Variants in SAMD5 observed in about 807,000 individuals in gnomAD.
SAMD5 encodes the protein sterile alpha motif domain containing 5.
Under a neutral mutation model 11.3 loss-of-function variants are expected in SAMD5, and 13 were observed. The observed-to-expected ratio is 1.15, with a 90% confidence interval of 0.75 to 1.83. The LOEUF (loss-of-function observed/expected upper bound fraction) is 1.83. Ranked by LOEUF, SAMD5 falls within the 40% of genes most tolerant of loss-of-function variation. The probability of loss-of-function intolerance (pLI) is 0.00; values close to 1 mark genes in which losing one functional copy is unlikely to be tolerated. For missense variants in SAMD5, 255 were observed against 239.1 expected (o/e 1.07, Z -0.44); for synonymous variants, 129 against 111.3 (o/e 1.16, Z -1.00).
At chr6:147,737,220 AAGGGTGAGTTTTC>A (rs1488995505) in intron 1 of SAMD5, 99 of 486,066 alleles carry the variant, frequency 2.0e-4, no homozygotes, top group African/African-American at 1.8e-3. Context: ...CATCCTCGGG[AAGGGTGAGTTTTC>A]AGTTCCCCCT....
intron 1 of SAMD5, among the ~76,000 whole-genome samples, chr6:147,592,220 C>A (rs1297031898): frequency 2.0e-5 from 3 of 152,106 alleles, no homozygotes; most frequent in Non-Finnish European, 2.9e-5. Context: ...AACTGCTAGG[C>A]TCCAGCGATC....
intron 1 of SAMD5, among the ~76,000 whole-genome samples, chr6:147,523,025 G>A (rs1788277989): frequency 6.6e-6 from 1 of 152,034 alleles, no homozygotes; most frequent in South Asian, 2.1e-4. Flanking sequence ...TTCCTCCCAG[G>A]TTCTGGAATT....
At chr6:147,918,652 A>AATCTTCCCT in the SAMD5 span, among the ~76,000 whole-genome samples, 1 of 151,488 alleles carries the variant, frequency 6.6e-6, no homozygotes, top group Non-Finnish European at 1.5e-5. Flanking sequence ...GGGAAGACTC[A>AATCTTCCCT]GGATACAAAA....
the SAMD5 span, among the ~76,000 whole-genome samples, chr6:147,835,247 CA>C: frequency 7.2e-6 from 1 of 137,960 alleles, no homozygotes; most frequent in South Asian, 2.3e-4. Flanking sequence ...AAAAAAAAAA[CA>C]AAAAAAACAG....
At chr6:147,701,444 G>A (rs1211623738) in intron 1 of SAMD5, among the ~76,000 whole-genome samples, 2 of 152,046 alleles carry the variant, frequency 1.3e-5, no homozygotes, top group Non-Finnish European at 2.9e-5. Context: ...GACCCGCCTG[G>A]CCAACATGGT....
intron 1 of SAMD5, among the ~76,000 whole-genome samples, chr6:147,696,626 C>T (rs918830134): frequency 8.5e-5 from 13 of 152,194 alleles, no homozygotes; most frequent in African/African-American, 2.9e-4. Context: ...AGCCCTAATA[C>T]AAAAGCAGGG....
At chr6:147,909,088 A>T in the SAMD5 span, among the ~76,000 whole-genome samples, 3 of 152,054 alleles carry the variant, frequency 2.0e-5, no homozygotes, top group South Asian at 6.2e-4. Flanking sequence ...GTGCACCTGC[A>T]GTCCTTGCTA....
chr6:147,638,166 A>T (rs1455946196), intron 1 of SAMD5, among the ~76,000 whole-genome samples: 1 of 152,128 alleles, frequency 6.6e-6, no homozygotes, highest in Non-Finnish European at 1.5e-5. Flanking sequence ...GCGTAATGCA[A>T]AGGAAGTCAT....
intron 1 of SAMD5, among the ~76,000 whole-genome samples, chr6:147,609,168 G>A (rs965913360): frequency 2.0e-5 from 3 of 152,114 alleles, no homozygotes; most frequent in Non-Finnish European, 4.4e-5. Flanking sequence ...TTTGAAGACA[G>A]GACCTTAATG....
chr6:147,685,009 T>G (rs955290278), intron 1 of SAMD5, among the ~76,000 whole-genome samples: 2 of 152,168 alleles, frequency 1.3e-5, no homozygotes, highest in African/African-American at 2.4e-5. Flanking sequence ...GTAAAAAAAT[T>G]GAATAATAGT....
At chr6:147,555,951 T>C (rs1460727852) in intron 1 of SAMD5, among the ~76,000 whole-genome samples, 3 of 152,148 alleles carry the variant, frequency 2.0e-5, no homozygotes, top group African/African-American at 7.2e-5. Flanking sequence ...TTGCCACAGA[T>C]TGAATATAGA....
the SAMD5 span, among the ~76,000 whole-genome samples, chr6:147,796,020 T>C: frequency 1.4e-5 from 2 of 147,518 alleles, no homozygotes; most frequent in East Asian, 2.0e-4. Context: ...GTAGGTTGCC[T>C]GTTCACTCTG....
At chr6:147,514,092 T>C (rs2128439200) in intron 1 of SAMD5, among the ~76,000 whole-genome samples, 1 of 152,156 alleles carries the variant, frequency 6.6e-6, no homozygotes, top group Admixed American at 6.5e-5. Context: ...TATCTGAGTG[T>C]GAATGGTAAG....
chr6:147,630,324 T>C (rs922403264), intron 1 of SAMD5, among the ~76,000 whole-genome samples: 1 of 152,168 alleles, frequency 6.6e-6, no homozygotes, highest in Admixed American at 6.5e-5. Context: ...TCATGGGTGA[T>C]TTGTACTACA....
At chr6:147,737,241 C>G (rs887469223) in intron 1 of SAMD5, 1 of 843,600 alleles carries the variant, frequency 1.2e-6, no homozygotes, top group Non-Finnish European at 1.6e-6. Context: ...TTCAGTTCCC[C>G]CTTCACCGTG....
At chr6:147,756,372 A>ATC in the SAMD5 span, among the ~76,000 whole-genome samples, 1 of 152,256 alleles carries the variant, frequency 6.6e-6, no homozygotes, top group African/African-American at 2.4e-5. Flanking sequence ...TTTGATTTGG[A>ATC]TCCTGGGGAT....
chr6:147,699,995 A>G (rs1434557491), intron 1 of SAMD5, among the ~76,000 whole-genome samples: 1 of 152,220 alleles, frequency 6.6e-6, no homozygotes, highest in Non-Finnish European at 1.5e-5. Context: ...CAGCCCTTCC[A>G]AGTTCAGTGC....
At chr6:147,938,444 A>T in the SAMD5 span, among the ~76,000 whole-genome samples, 2 of 152,294 alleles carry the variant, frequency 1.3e-5, no homozygotes, top group African/African-American at 4.8e-5. Context: ...CAAACTCTAC[A>T]CTCATGGAGT....
At chr6:147,576,634 GT>G in intron 1 of SAMD5, among the ~76,000 whole-genome samples, 1 of 152,242 alleles carries the variant, frequency 6.6e-6, no homozygotes, top group South Asian at 2.1e-4. Context: ...TTATGTACAA[GT>G]TTCATTCAAT....
Sources: allele counts gnomAD v4.1 joint callset (sites outside exome capture counted in the v4.1 genomes callset), GRCh38; gene constraint gnomAD v4.1.1; transcripts MANE v1.5; gene names NCBI Gene and HGNC (gene_info 2026-07-23, HGNC 2026-07-21).